Variants in SEC62 observed in about 807,000 individuals in gnomAD.
SEC62 encodes translocation protein SEC62.
SEC62 carries 10 observed loss-of-function variants against 47.5 expected under a neutral mutation model. That is an observed-to-expected ratio of 0.21 (90% CI 0.13 to 0.36). The LOEUF (loss-of-function observed/expected upper bound fraction) is 0.36, where lower values mean the gene tolerates loss of function less well. SEC62 is among the 10% of genes least tolerant of loss of function. The pLI, the probability that SEC62 is intolerant of heterozygous loss-of-function variation, is 1.00. For synonymous variants in SEC62, 136 were observed against 150.5 expected (o/e 0.90, Z 0.71); for missense variants, 327 against 464.1 (o/e 0.70, Z 2.71).
intron 3 of SEC62, 44 bp from the exon 4 acceptor site, chr3:169,982,663 C>G: frequency 1.3e-6 from 2 of 1,594,242 alleles, no homozygotes; most frequent in African/African-American, 1.3e-5. Flanking sequence ...TTTTCAGTCT[C>G]TATCTATATG....
Position 169,997,351 on chromosome 3 carries a change from A to C in SEC62, c.*4288A>C, listed in dbSNP as rs1302710152. 6.6e-6 allele frequency: 1 copy of C among 152,236 alleles called. No individual in the cohort carries two copies. Among genetic ancestry groups the C allele is most frequent in the Admixed American group, 6.5e-5 (1 of 15,284 alleles). 9.4% of individuals were successfully genotyped at this position (152,236 alleles called of 1,614,324 possible). On this transcript the variant is annotated 3_prime_UTR_variant, in exon 8 of 8. Coordinates refer to ENST00000337002, the MANE Select transcript of SEC62 (RefSeq NM_003262.4). ...AGCATGACAGAAAGAGGGAAAGATAAGTTAAATTTCAAGGGGGTCATATCA... is the reference window on the plus strand; with the variant it reads ...AGCATGACAGAAAGAGGGAAAGATACGTTAAATTTCAAGGGGGTCATATCA...
At chr3:169,969,867 T>C (rs1714653873) in intron 1 of SEC62, among the ~76,000 whole-genome samples, 1 of 152,234 alleles carries the variant, frequency 6.6e-6, no homozygotes. Context: ...TTTTGAGACA[T>C]TTAAATGGCT....
intron 6 of SEC62, among the ~76,000 whole-genome samples, chr3:169,986,417 A>C (rs1715108590): frequency 6.6e-6 from 1 of 152,154 alleles, no homozygotes; most frequent in Non-Finnish European, 1.5e-5. Context: ...AATCTAGCAA[A>C]TATCTTTCAA....
At chr3:169,976,872 C>T in intron 2 of SEC62, 74 bp from the exon 3 acceptor site, 2 of 994,542 alleles carry the variant, frequency 2.0e-6, no homozygotes, top group Non-Finnish European at 2.8e-6. Flanking sequence ...TGAAATTTTA[C>T]TTTATAAAAT....
At chr3:169,972,602 T>G (rs12636253) in intron 1 of SEC62, among the ~76,000 whole-genome samples, 2,008 of 137,306 alleles carry the variant, frequency 0.015, 59 homozygotes, top group East Asian at 0.14. Context: ...TTTTTTTTTA[T>G]GTAGAGAAGG....
chr3:169,978,786 T>C (rs540513536), intron 3 of SEC62, among the ~76,000 whole-genome samples: 2 of 152,214 alleles, frequency 1.3e-5, no homozygotes, highest in Admixed American at 1.3e-4. Flanking sequence ...ATTTTTTACA[T>C]GTTGTGTAAA....
chr3:169,982,831 A>C lies in SEC62; in HGVS notation c.376A>C (p.Lys126Gln). 1 of 1,592,280 alleles carries C rather than the reference A, an allele frequency of 6.3e-7. No individual in the cohort carries two copies. Among genetic ancestry groups the C allele is most frequent in the Non-Finnish European group, 8.5e-7 (1 of 1,170,878 alleles). The stretch of plus-strand genomic sequence containing the variant: ...TGGAAAAGAAGAAGATAAAAAGAGC[A>C]AGAAAGAAAATATAAAGGATGAGAA... ...ESGKEEDKKSKKENIKDEKTK... is the reference protein window; with the variant it reads ...ESGKEEDKKSQKENIKDEKTK... The change falls in exon 4 of 8, where the codon AAG becomes CAG. Residue 126 changes from lysine (K) to glutamine (Q), a missense_variant. Coordinates refer to ENST00000337002, the MANE Select transcript of SEC62 (RefSeq NM_003262.4).
At chr3:169,991,698 G>C (rs1382491069) in intron 7 of SEC62, among the ~76,000 whole-genome samples, 2 of 152,102 alleles carry the variant, frequency 1.3e-5, no homozygotes, top group South Asian at 2.1e-4. Flanking sequence ...GCAAGACCTT[G>C]TCCTCAATAA....
At chr3:169,973,283 C>G (rs1425799893) in intron 1 of SEC62, among the ~76,000 whole-genome samples, 1 of 152,084 alleles carries the variant, frequency 6.6e-6, no homozygotes, top group Non-Finnish European at 1.5e-5. Context: ...GTATATTTTG[C>G]AGTCAGGCCT....
In SEC62 at chr3:169,985,813, A is replaced by G. The variant is rs764369137; in HGVS notation, c.558A>G (p.Val186=). 3 of 1,612,088 alleles carry G rather than the reference A, an allele frequency of 1.9e-6. No homozygotes were observed. Among genetic ancestry groups the G allele is most frequent in the Non-Finnish European group, 2.5e-6 (3 of 1,178,964 alleles). ...QVFLDGNEVY[V]WIYDPVHFKT... Reference sequence around the variant, plus strand: ...TTTCTTGATTCTTCTAGGTGTATGTATGGATCTATGACCCAGTTCACTTTA... The same window carrying G: ...TTTCTTGATTCTTCTAGGTGTATGTGTGGATCTATGACCCAGTTCACTTTA... The change falls in exon 6 of 8, where the codon GTA becomes GTG. Residue 186 remains valine (V), a synonymous_variant. Coordinates refer to ENST00000337002, the MANE Select transcript of SEC62 (RefSeq NM_003262.4).
At chr3:169,977,632 T>C (rs972117816) in intron 3 of SEC62, among the ~76,000 whole-genome samples, 1 of 152,198 alleles carries the variant, frequency 6.6e-6, no homozygotes, top group African/African-American at 2.4e-5. Context: ...CTTTTGATGT[T>C]AAGTGGTTTA....
At chr3:169,990,042 TATC>T (rs1485785729) in intron 7 of SEC62, among the ~76,000 whole-genome samples, 3 of 148,156 alleles carry the variant, frequency 2.0e-5, no homozygotes, top group African/African-American at 4.9e-5. Flanking sequence ...ATATAATATA[TATC>T]ATATGATATG....
intron 5 of SEC62, chr3:169,983,773 A>G (rs1715034395): frequency 6.6e-6 from 1 of 152,216 alleles, no homozygotes; most frequent in Admixed American, 6.5e-5. Flanking sequence ...GGTCATGCAT[A>G]TGAGAAGTAA....
At position 169,966,937 on chromosome 3, in the gene SEC62, G is replaced by A. The variant is rs529387663; in HGVS notation, c.36+79G>A. ...GGCGGGGAAAGCCCCCTAAAAGGGC[G>A]AGCGAAAGCAAGGGCGAGGTGGGGT... On this transcript the variant is annotated intron_variant, in intron 1 of 7. Transcript: ENST00000337002. The A allele has an allele frequency of 2.2e-3, 2,270 of 1,029,160 alleles. 9 individuals are homozygous for A. Among genetic ancestry groups the A allele is most frequent in the Non-Finnish European group, 1.5e-3 (1,121 of 725,056 alleles). The allele number at this position is 1,029,160 out of a possible 1,614,324, so 63.8% of individuals were successfully genotyped here.
At chr3:169,967,590 A>G (rs1187070019) in intron 1 of SEC62, among the ~76,000 whole-genome samples, 3 of 152,170 alleles carry the variant, frequency 2.0e-5, no homozygotes, top group Admixed American at 6.5e-5. Context: ...AGTAACGTAC[A>G]TAACATCTCC....
At chr3:169,990,475 A>T (rs1357266263) in intron 7 of SEC62, among the ~76,000 whole-genome samples, 2 of 152,128 alleles carry the variant, frequency 1.3e-5, no homozygotes, top group Non-Finnish European at 2.9e-5. Context: ...TCGGTAATCT[A>T]GTGCCACATA....
chr3:169,975,325 G>T (rs1342484579), intron 1 of SEC62: 3 of 252,774 alleles, frequency 1.2e-5, no homozygotes, highest in Non-Finnish European at 2.3e-5. Context: ...AAGTGAACTG[G>T]TACAAAGTAG....
Position 169,992,827 on chromosome 3 carries a change from G to A in SEC62, c.964G>A (p.Glu322Lys). The change falls in exon 8 of 8, where the codon GAG (glutamate) becomes AAG (lysine). Residue 322 changes from glutamate (E) to lysine (K), a missense_variant. Physicochemically the swap from Glu to Lys is moderately conservative, Grantham distance 56. Coordinates refer to ENST00000337002, the MANE Select transcript of SEC62 (RefSeq NM_003262.4). The surrounding 1 kb of genome is among the most constrained non-coding windows in gnomAD (Gnocchi z 4.0). ...AGACAGTGAGAAAAAGGAAGATGAG[G>A]AGGGGAAAGTAGGACCAGGAAATCA... ...KSDSEKKEDE[E>K]GKVGPGNHGT... is the part of the protein sequence containing the mutation. The A allele has an allele frequency of 6.2e-7, 1 of 1,614,102 alleles. No homozygotes were observed.
At chr3:169,985,411 T>C (rs1715080418) in intron 5 of SEC62, 1 of 153,920 alleles carries the variant, frequency 6.5e-6, no homozygotes, top group East Asian at 1.9e-4. Context: ...CTGGCTAATT[T>C]TTGTATTTTT....
Sources: allele counts gnomAD v4.1 joint callset (sites outside exome capture counted in the v4.1 genomes callset), GRCh38; gene constraint gnomAD v4.1.1; non-coding constraint Gnocchi (gnomAD v3.1); transcripts MANE v1.5; gene names NCBI Gene and HGNC (gene_info 2026-07-23, HGNC 2026-07-21).